The following ATP8A2 variants were observed in gnomAD, a reference collection of about 807,000 sequenced individuals.
ATP8A2 encodes the protein phospholipid-transporting ATPase IB.
ATP8A2 carries 100 observed loss-of-function variants against 165.6 expected under a neutral mutation model. That is an observed-to-expected ratio of 0.60 (90% confidence interval 0.51 to 0.71). The LOEUF (loss-of-function observed/expected upper bound fraction) is 0.71, where lower values mean the gene tolerates loss of function less well. Ranked by LOEUF, ATP8A2 falls within the 30% of genes least tolerant of loss-of-function variation. The probability of loss-of-function intolerance (pLI) is 0.00; values close to 1 mark genes in which losing one functional copy is unlikely to be tolerated. For missense variants in ATP8A2, 1,227 were observed against 1,479.5 expected (o/e 0.83, Z 2.80); for synonymous variants, 543 against 548.8 (o/e 0.99, Z 0.15).
intron 35 of ATP8A2, among the ~76,000 whole-genome samples, chr13:25,976,729 G>A (rs895461530): frequency 6.6e-6 from 1 of 152,112 alleles, no homozygotes; most frequent in African/African-American, 2.4e-5. Flanking sequence ...AGCCAAACCA[G>A]CGGACAAATT....
chr13:25,446,731 T>A (rs986410158), intron 1 of ATP8A2, among the ~76,000 whole-genome samples: 3 of 152,230 alleles, frequency 2.0e-5, no homozygotes, highest in South Asian at 2.1e-4. Flanking sequence ...AATCTGGCTA[T>A]AGCTGAACAA....
At chr13:25,915,271 C>A (rs1372548245) in intron 33 of ATP8A2, among the ~76,000 whole-genome samples, 1 of 152,206 alleles carries the variant, frequency 6.6e-6, no homozygotes, top group African/African-American at 2.4e-5. Context: ...GGTTGTGTAT[C>A]AGTCAGGGTC....
intron 2 of ATP8A2, among the ~76,000 whole-genome samples, chr13:25,488,222 G>A (rs929372856): frequency 6.6e-6 from 1 of 151,938 alleles, no homozygotes; most frequent in African/African-American, 2.4e-5. Context: ...TTAAGTATAC[G>A]ATTCAGTAGT....
At chr13:25,501,375 T>A (rs760397393) in intron 2 of ATP8A2, among the ~76,000 whole-genome samples, 7 of 152,156 alleles carry the variant, frequency 4.6e-5, no homozygotes, top group Non-Finnish European at 1.0e-4. Flanking sequence ...ATGGATAATT[T>A]CAGTGAGCTC....
chr13:25,665,221 T>C (rs2042126930), intron 24 of ATP8A2, among the ~76,000 whole-genome samples: 2 of 152,222 alleles, frequency 1.3e-5, no homozygotes, highest in South Asian at 4.1e-4. Context: ...TTCAGGTTAG[T>C]AACCAGTTGA....
intron 2 of ATP8A2, among the ~76,000 whole-genome samples, chr13:25,477,049 A>G (rs2036015185): frequency 6.6e-6 from 1 of 152,196 alleles, no homozygotes; most frequent in South Asian, 2.1e-4. Context: ...TAGAAACAGA[A>G]AAGCCTGTCA....
intron 15 of ATP8A2, 55 bp downstream of exon 15, chr13:25,559,820 T>A (rs2039088964): frequency 1.2e-5 from 15 of 1,250,702 alleles, no homozygotes; most frequent in Admixed American, 3.4e-5. Flanking sequence ...TTGGAATAAT[T>A]ATTTATTATT....
intron 34 of ATP8A2, among the ~76,000 whole-genome samples, chr13:25,968,084 G>A (rs1955822823): frequency 6.6e-6 from 1 of 152,192 alleles, no homozygotes; most frequent in Admixed American, 6.5e-5. Flanking sequence ...CCTAAGCCCC[G>A]TGGCTGCTGT....
At chr13:25,893,872 T>G (rs1344661107) in intron 33 of ATP8A2, among the ~76,000 whole-genome samples, 2 of 152,202 alleles carry the variant, frequency 1.3e-5, no homozygotes, top group South Asian at 2.1e-4. Flanking sequence ...TCTGTTCATA[T>G]CCTTTGCCCA....
chr13:25,495,340 G>A (rs1013476736), intron 2 of ATP8A2, among the ~76,000 whole-genome samples: 17 of 152,182 alleles, frequency 1.1e-4, no homozygotes, highest in Non-Finnish European at 2.1e-4. Context: ...TGAGGACTGG[G>A]TGAGGTGTTG....
At chr13:25,978,555 G>GC (rs1431387136) in intron 35 of ATP8A2, among the ~76,000 whole-genome samples, 3 of 152,236 alleles carry the variant, frequency 2.0e-5, no homozygotes, top group East Asian at 3.9e-4. Context: ...AGACTCCCAG[G>GC]CCCCCCAGCA....
intron 1 of ATP8A2, among the ~76,000 whole-genome samples, chr13:25,406,831 G>A (rs577578651): frequency 1.1e-4 from 17 of 152,210 alleles, no homozygotes; most frequent in African/African-American, 3.6e-4. Context: ...TTCACAAACC[G>A]TTGTATAGCT....
chr13:25,876,451 G>A (rs920805216), intron 33 of ATP8A2, among the ~76,000 whole-genome samples: 76 of 152,268 alleles, frequency 5.0e-4, no homozygotes, highest in African/African-American at 1.7e-3. Flanking sequence ...GATTGATAAC[G>A]GGAGGACGAG....
intron 2 of ATP8A2, among the ~76,000 whole-genome samples, chr13:25,520,123 C>T (rs1014180183): frequency 1.3e-5 from 2 of 152,158 alleles, no homozygotes; most frequent in Non-Finnish European, 2.9e-5. Context: ...ATTTTCTCTA[C>T]CTAACTGTGT....
chr13:25,732,261 G>A (rs1158692705), intron 25 of ATP8A2, among the ~76,000 whole-genome samples: 1 of 152,202 alleles, frequency 6.6e-6, no homozygotes, highest in African/African-American at 2.4e-5. Context: ...TAGATGAGCA[G>A]CCTCGCATGT....
At chr13:25,900,911 A>G (rs1953723022) in intron 33 of ATP8A2, among the ~76,000 whole-genome samples, 1 of 152,272 alleles carries the variant, frequency 6.6e-6, no homozygotes, top group African/African-American at 2.4e-5. Context: ...TGCAGGTGAC[A>G]CATGGAAGCA....
intron 24 of ATP8A2, among the ~76,000 whole-genome samples, chr13:25,619,733 A>T (rs2040921660): frequency 6.6e-6 from 1 of 152,246 alleles, no homozygotes; most frequent in Non-Finnish European, 1.5e-5. Context: ...ATAAGAAATT[A>T]TCTAGAACAG....
chr13:25,840,474 G>A (rs568694346), intron 30 of ATP8A2, among the ~76,000 whole-genome samples: 1 of 152,184 alleles, frequency 6.6e-6, no homozygotes, highest in East Asian at 1.9e-4. Flanking sequence ...AATACTGACA[G>A]AGAAAATGCA....
Position 25,395,871 on chromosome 13 carries a change from G to T in ATP8A2, c.76+23583G>T, listed in dbSNP as rs543228332. Reference sequence around the variant, plus strand: ...TTTCTTTCTTTTTTTTTTTGACGGAGTCTCACTCTGTCCCCAGGCTGGAGT... The same window carrying T: ...TTTCTTTCTTTTTTTTTTTGACGGATTCTCACTCTGTCCCCAGGCTGGAGT... On this transcript the variant is annotated intron_variant, in intron 1 of 36. Coordinates refer to ENST00000381655, the MANE Select transcript of ATP8A2 (RefSeq NM_016529.6). Among the ~76,000 whole-genome samples, 266 of 151,706 alleles carry T rather than the reference G, an allele frequency of 1.8e-3. 3 individuals are homozygous for T. The highest frequency in any genetic ancestry group is 6.0e-3 in the African/African-American group (249 of 41,362).
Sources: allele counts gnomAD v4.1 joint callset (sites outside exome capture counted in the v4.1 genomes callset), GRCh38; gene constraint gnomAD v4.1.1; transcripts MANE v1.5; gene names NCBI Gene and HGNC (gene_info 2026-07-23, HGNC 2026-07-21).